Variants in ABR observed in about 807,000 individuals in gnomAD.
The protein encoded by ABR is ABR activator of RhoGEF and GTPase, also known as active breakpoint cluster region-related protein.
ABR carries 35 observed loss-of-function variants against 107.2 expected under a neutral mutation model. The observed-to-expected ratio is 0.33, with a 90% CI of 0.25 to 0.43. ABR has a LOEUF of 0.43. ABR is among the 20% of genes least tolerant of loss of function. The pLI, the probability that ABR is intolerant of heterozygous loss-of-function variation, is 1.00. For missense variants in ABR, 815 were observed against 1,115.2 expected (o/e 0.73, Z 3.83); for synonymous variants, 498 against 462.0 (o/e 1.08, Z -1.00).
chr17:1,172,520 A>T (rs1441366306), intron 1 of ABR, among the ~76,000 whole-genome samples: 2 of 152,084 alleles, frequency 1.3e-5, no homozygotes, highest in Admixed American at 1.3e-4. Flanking sequence ...GGAGGCCGAG[A>T]TGGGTGGATC....
chr17:1,226,223 T>G (rs1340172752), intron 1 of ABR, among the ~76,000 whole-genome samples: 8 of 152,166 alleles, frequency 5.3e-5, no homozygotes, highest in Admixed American at 5.2e-4. Context: ...ACCGCCCGGG[T>G]GCTTCTGTTG....
rs1298073635 is a variant in ABR at position 1,010,474 on chromosome 17, G to A, written c.2236+255C>T. 3.9e-6 allele frequency: 2 copies of A among 513,934 alleles called. No individual in the cohort carries two copies. Among genetic ancestry groups the A allele is most frequent in the Non-Finnish European group, 3.5e-6 (1 of 286,862 alleles). 31.8% of individuals were successfully genotyped at this position (513,934 alleles called of 1,614,324 possible). A position where few individuals can be genotyped will look rare whatever the true frequency, so the allele number is the denominator to read the frequency against. On this transcript the variant is annotated intron_variant, in intron 20 of 22. Transcript: ENST00000302538. The surrounding 1 kb of genome is among the most constrained non-coding windows in gnomAD (Gnocchi z 4.1). ...TCGAGCTTCCAAGCAAGAGGCCAAC[G>A]TCCAAATAGGAAGCAGAAGGGGCTG...
Position 1,145,754 on chromosome 17 carries a change from C to T in ABR, c.62-20387G>A, listed in dbSNP as rs116146111. Among the ~76,000 whole-genome samples, 966 of 152,328 alleles carry T rather than the reference C, an allele frequency of 6.3e-3. 1 individual carries two copies. The highest frequency in any genetic ancestry group is 0.021 in the African/African-American group (885 of 41,574). On this transcript the variant is annotated intron_variant, in intron 1 of 22. Transcript: ENST00000302538. The stretch of plus-strand genomic sequence containing the variant: ...TGGCAGCAGCCAGGACCAGGATGCA[C>T]GACCCCTGCCTTCCACCCCAGGGTG...
At position 1,005,846 on chromosome 17, in the gene ABR, C is replaced by T; in HGVS notation, c.*234G>A. On this transcript the variant is annotated 3_prime_UTR_variant, in exon 23 of 23. Transcript: ENST00000302538. ...CCCGAACAGCACGGAGCATCAGACACAACTAGAGGTATGGAGGGCAGGAGG... is the reference window on the plus strand; with the variant it reads ...CCCGAACAGCACGGAGCATCAGACATAACTAGAGGTATGGAGGGCAGGAGG... 1.7e-6 allele frequency: 1 copy of T among 588,678 alleles called. No homozygotes were observed. 36.5% of individuals were successfully genotyped at this position (588,678 alleles called of 1,614,324 possible). A position where few individuals can be genotyped will look rare whatever the true frequency, so the allele number is the denominator to read the frequency against.
intron 4 of ABR, among the ~76,000 whole-genome samples, chr17:1,086,792 C>T (rs117397046): frequency 0.12 from 18,509 of 152,182 alleles, 1,493 homozygotes; most frequent in African/African-American, 0.23. Context: ...TGAGCCACCA[C>T]GCCTGGCTTA....
At chr17:1,153,781 G>A (rs1261043557) in intron 1 of ABR, 1 of 198,878 alleles carries the variant, frequency 5.0e-6, no homozygotes, top group African/African-American at 2.7e-5. Context: ...GCACACCTGC[G>A]GGAGGGCTGG....
chr17:1,022,120 A>AAAAAAAAAAAACAAAAAC (rs56033950), intron 16 of ABR, among the ~76,000 whole-genome samples: 26 of 118,390 alleles, frequency 2.2e-4, no homozygotes, highest in African/African-American at 9.5e-4. Flanking sequence ...AAAAAAAAAA[A>AAAAAAAAAAAACAAAAAC]AAAAACAGAA....
rs1049055597 is a variant in ABR at position 1,111,597 on chromosome 17, C to T, written c.247-10862G>A. ...TTCCAAAGCCAGAGGCCTCCCTCTC[C>T]GACTCTTTGGCCTCTGCAGTCTAGA... On this transcript the variant is annotated intron_variant, in intron 2 of 22. Coordinates refer to ENST00000302538, the MANE Select transcript of ABR (RefSeq NM_021962.5). Among the ~76,000 whole-genome samples the T allele has an allele frequency of 4.6e-5, 7 of 152,362 alleles. No individual in the cohort carries two copies. The South Asian group carries it at 1.0e-3, about 23-fold the overall frequency.
At chr17:1,112,521 CA>C (rs1416417340) in intron 2 of ABR, among the ~76,000 whole-genome samples, 1 of 147,444 alleles carries the variant, frequency 6.8e-6, no homozygotes, top group Non-Finnish European at 1.5e-5. Flanking sequence ...CGTTTGAGCT[CA>C]AGAGTTGGAG....
intron 1 of ABR, among the ~76,000 whole-genome samples, chr17:1,165,929 C>T (rs1447103545): frequency 6.6e-6 from 1 of 152,142 alleles, no homozygotes; most frequent in African/African-American, 2.4e-5. Flanking sequence ...CTTGGCCCGG[C>T]TCACAGGGCC....
chr17:1,013,002 G>T, intron 17 of ABR, 103 bp downstream of exon 17: 1 of 1,413,636 alleles, frequency 7.1e-7, no homozygotes, highest in Non-Finnish European at 1.0e-6. Flanking sequence ...GGTCGAGGCG[G>T]CACAGCGGCC....
At chr17:1,166,149 T>C (rs550265309) in intron 1 of ABR, among the ~76,000 whole-genome samples, 23 of 151,848 alleles carry the variant, frequency 1.5e-4, no homozygotes, top group African/African-American at 5.1e-4. Flanking sequence ...TCGGTCATTC[T>C]CAGCTCTATT....
At chr17:1,203,151 G>T (rs1405508023) in intron 1 of ABR, among the ~76,000 whole-genome samples, 2 of 152,140 alleles carry the variant, frequency 1.3e-5, no homozygotes, top group Non-Finnish European at 2.9e-5. Flanking sequence ...CTCCCAGAGT[G>T]CTGGGATGAC....
In ABR at chr17:1,112,386, A is replaced by G. The variant is rs554726024; in HGVS notation, c.247-11651T>C. The stretch of plus-strand genomic sequence containing the variant: ...ACAGTGGCTTCTGAGTAGCATCTGG[A>G]AATAGGGAAGGGTTTCCAGGCAAAG... On this transcript the variant is annotated intron_variant, in intron 2 of 22. Coordinates refer to ENST00000302538, the MANE Select transcript of ABR (RefSeq NM_021962.5). 3.2e-4 allele frequency among the ~76,000 whole-genome samples: 49 copies of G among 152,266 alleles called. 1 individual carries two copies. The highest frequency in any genetic ancestry group is 2.9e-3 in the Admixed American group (45 of 15,282).
At chr17:1,130,101 T>C (rs1012287352) in intron 1 of ABR, among the ~76,000 whole-genome samples, 1 of 152,144 alleles carries the variant, frequency 6.6e-6, no homozygotes, top group African/African-American at 2.4e-5. Flanking sequence ...GTGAATTCTT[T>C]CAACTTTTCT....
intron 1 of ABR, among the ~76,000 whole-genome samples, chr17:1,198,575 C>G (rs2150711998): frequency 6.6e-6 from 1 of 151,358 alleles, no homozygotes; most frequent in South Asian, 2.1e-4. Flanking sequence ...AACCCCATCT[C>G]TACTAAAAAT....
At position 1,157,921 on chromosome 17, in the gene ABR, C is replaced by T. The variant is rs984484101; in HGVS notation, c.61+21746G>A. The stretch of plus-strand genomic sequence containing the variant: ...TAGAATGGATTGAAAAGGATTATCT[C>T]GCCTAATAAGGGCAGGTATTACTTT... On this transcript the variant is annotated intron_variant, in intron 1 of 22. Transcript: ENST00000302538. The surrounding 1 kb of genome is among the most constrained non-coding windows in gnomAD (Gnocchi z 4.7). Among the ~76,000 whole-genome samples, 2 of 152,214 alleles carry T rather than the reference C, an allele frequency of 1.3e-5. No individual in the cohort carries two copies. The highest frequency in any genetic ancestry group is 3.8e-4 in the East Asian group (2 of 5,202).
At chr17:1,041,640 G>A (rs2030516510) in intron 16 of ABR, among the ~76,000 whole-genome samples, 1 of 152,174 alleles carries the variant, frequency 6.6e-6, no homozygotes, top group Admixed American at 6.5e-5. Context: ...GACTGAGACA[G>A]GAGAATCACT....
Position 1,051,698 on chromosome 17 carries a change from A to AG in ABR, c.1562-1065dup, listed in dbSNP as rs1311076768. On this transcript the variant is annotated intron_variant, in intron 14 of 22. Transcript: ENST00000302538. This position sits in a 1 kb window ranked among gnomAD's most constrained non-coding sequence, Gnocchi z 4.3. ...CCTCTGCAGCGTGAAACAACGTCAG[A>AG]GGTCACAGTGCGGGCATACAGTGCA... 6.6e-6 allele frequency among the ~76,000 whole-genome samples: 1 copy of AG among 152,210 alleles called. No individual in the cohort carries two copies. The highest frequency in any genetic ancestry group is 2.4e-5 in the African/African-American group (1 of 41,448).
Sources: allele counts gnomAD v4.1 joint callset (sites outside exome capture counted in the v4.1 genomes callset), GRCh38; gene constraint gnomAD v4.1.1; non-coding constraint Gnocchi (gnomAD v3.1); transcripts MANE v1.5; gene names NCBI Gene and HGNC (gene_info 2026-07-23, HGNC 2026-07-21).